The following TEK variants were observed in gnomAD, a reference collection of about 807,000 sequenced individuals.
The protein encoded by TEK is TEK receptor tyrosine kinase.
TEK carries 43 observed loss-of-function variants against 131.8 expected under a neutral mutation model. That is an observed-to-expected ratio of 0.33 (90% CI 0.26 to 0.42). The LOEUF (loss-of-function observed/expected upper bound fraction) is 0.42. Ranked by LOEUF, TEK falls within the 10% of genes least tolerant of loss-of-function variation. TEK has a pLI of 1.00. For missense variants in TEK, 1,162 were observed against 1,384.4 expected, an observed-to-expected ratio of 0.84 and a Z score of 2.55; for synonymous variants, 580 against 491.6, an observed-to-expected ratio of 1.18 and a Z score of -2.38.
intron 1 of TEK, among the ~76,000 whole-genome samples, chr9:27,155,631 G>C (rs1823303913): frequency 6.6e-6 from 1 of 152,194 alleles, no homozygotes; most frequent in Admixed American, 6.5e-5. Flanking sequence ...CTTGACATAA[G>C]TAGGTGCTCA....
intron 16 of TEK, among the ~76,000 whole-genome samples, chr9:27,211,204 A>AAT (rs371389814): frequency 0.11 from 2,264 of 21,474 alleles, 27 homozygotes; most frequent in Non-Finnish European, 0.24. Flanking sequence ...TATATATATG[A>AAT]ATATATGTGT....
At chr9:27,168,439 C>G in intron 2 of TEK, 56 bp from the exon 3 acceptor site, 5 of 1,387,692 alleles carry the variant, frequency 3.6e-6, no homozygotes, top group Non-Finnish European at 4.1e-6. Flanking sequence ...AGCTCAATTG[C>G]TCCTGGAGAA....
rs888420913 is a variant in TEK, at chr9:27,219,259, CTTTTTAATGT to C, written c.3103+443_3103+452del. Among the ~76,000 whole-genome samples the C allele has an allele frequency of 3.3e-5, 5 of 152,256 alleles. No individual in the cohort carries two copies. The South Asian group carries it at 8.3e-4, about 25-fold the overall frequency. On this transcript the variant is annotated intron_variant, in intron 20 of 22. Coordinates refer to ENST00000380036, the MANE Select transcript of TEK (RefSeq NM_000459.5). The stretch of plus-strand genomic sequence containing the variant: ...AAGGTAATAACATTTATTCTTCATG[CTTTTTAATGT>C]GGTACATATACACCGTGGAATACTA...
chr9:27,119,079 G>A (rs1446728981), intron 1 of TEK, among the ~76,000 whole-genome samples: 1 of 152,114 alleles, frequency 6.6e-6, no homozygotes, highest in African/African-American at 2.4e-5. Context: ...TCTTTTATTT[G>A]TTTAAGCTAT....
intron 5 of TEK, 137 bp from the exon 6 acceptor site, chr9:27,173,085 T>A (rs1271120215): frequency 1.1e-5 from 12 of 1,141,028 alleles, no homozygotes; most frequent in Non-Finnish European, 1.4e-5. Context: ...CATAAGGGTA[T>A]GTTCATCCTA....
chr9:27,219,628 G>GTTCTACAA (rs1315370594), intron 20 of TEK, among the ~76,000 whole-genome samples: 1 of 92,258 alleles, frequency 1.1e-5, no homozygotes, highest in Admixed American at 1.1e-4. Context: ...TTAAAAAACT[G>GTTCTACAA]TTCTACAATA....
At chr9:27,163,162 T>C (rs915362331) in intron 2 of TEK, among the ~76,000 whole-genome samples, 12 of 152,320 alleles carry the variant, frequency 7.9e-5, no homozygotes, top group African/African-American at 2.6e-4. Flanking sequence ...CCACTAATAA[T>C]AGATGAGGCT....
chr9:27,145,533 C>A (rs780925566), intron 1 of TEK, among the ~76,000 whole-genome samples: 25 of 152,174 alleles, frequency 1.6e-4, no homozygotes, highest in Non-Finnish European at 2.9e-4. Context: ...TAGTCCTTTA[C>A]ACAGAAATCA....
intron 1 of TEK, among the ~76,000 whole-genome samples, chr9:27,133,846 G>A (rs1440547880): frequency 6.6e-6 from 1 of 152,172 alleles, no homozygotes. Context: ...GTAAAACGAT[G>A]CCTCTGCTTA....
At chr9:27,138,168 G>A (rs550391602) in intron 1 of TEK, among the ~76,000 whole-genome samples, 4 of 152,342 alleles carry the variant, frequency 2.6e-5, no homozygotes, top group South Asian at 2.1e-4. Flanking sequence ...CCCAAAGAGT[G>A]AGCAGCAGCA....
intron 4 of TEK, among the ~76,000 whole-genome samples, 181 bp from the exon 5 acceptor site, chr9:27,172,435 C>G (rs1320630145): frequency 6.6e-6 from 1 of 152,170 alleles, no homozygotes; most frequent in Non-Finnish European, 1.5e-5. Context: ...TTGTTTCTGT[C>G]GCGATTTCCT....
chr9:27,138,686 C>T (rs1380708499), intron 1 of TEK, among the ~76,000 whole-genome samples: 1 of 152,170 alleles, frequency 6.6e-6, no homozygotes, highest in Non-Finnish European at 1.5e-5. Context: ...TTCATGGGCC[C>T]ACTTACACCC....
chr9:27,138,245 G>A (rs778262849), intron 1 of TEK, among the ~76,000 whole-genome samples: 8 of 152,222 alleles, frequency 5.3e-5, no homozygotes, highest in Non-Finnish European at 7.3e-5. Flanking sequence ...GCGGGTTGCC[G>A]CTGCTGGCTC....
Position 27,190,637 on chromosome 9 carries a change from A to T in TEK, c.1436A>T (p.Lys479Met). ...PYFGDGPIKS[K>M]KLLYKPVNHY... ...TTTGGGGATGGACCAATCAAATCCA[A>T]GAAGCTTCTATACAAACCCGTTAAT... Residue 479 changes from lysine (K) to methionine (M), a missense_variant, in exon 10 of 23, where the codon AAG becomes ATG. Around this residue, in one of 6 missense-constraint regions of TEK, gnomAD observed 477 missense variants for 471.0 expected, o/e 1.01. Transcript: ENST00000380036. 2.5e-6 allele frequency: 4 copies of T among 1,614,032 alleles called. No homozygotes were observed. Among genetic ancestry groups the T allele is most frequent in the Non-Finnish European group, 3.4e-6 (4 of 1,179,918 alleles).
chr9:27,181,223 A>G (rs183521451), intron 7 of TEK, among the ~76,000 whole-genome samples: 26 of 152,360 alleles, frequency 1.7e-4, no homozygotes, highest in Non-Finnish European at 2.8e-4. Context: ...AACATAGTCA[A>G]TTAACACAGA....
intron 1 of TEK, among the ~76,000 whole-genome samples, chr9:27,139,972 G>T (rs146948156): frequency 6.6e-6 from 1 of 152,076 alleles, no homozygotes; most frequent in Non-Finnish European, 1.5e-5. Context: ...CCCCAGTCCC[G>T]CTACCTTAGA....
In TEK at chr9:27,204,828, A is replaced by C. The variant is rs2131211249; in HGVS notation, c.2210-83A>C. 4 of 1,585,950 alleles carry C rather than the reference A, an allele frequency of 2.5e-6. No homozygotes were observed. The South Asian group carries it at 4.4e-5, about 18-fold the overall frequency. On this transcript the variant is annotated intron_variant, in intron 13 of 22. Coordinates refer to ENST00000380036, the MANE Select transcript of TEK (RefSeq NM_000459.5). ...AAGGCTGCTGTTAAGTTCCCATTAC[A>C]CTGTGTCTTCTCCCACATACGGTGT...
At chr9:27,205,674 T>G (rs538976284) in intron 14 of TEK, among the ~76,000 whole-genome samples, 2 of 152,164 alleles carry the variant, frequency 1.3e-5, no homozygotes, top group Non-Finnish European at 2.9e-5. Flanking sequence ...CAAAGGCCTA[T>G]AAAAATCACA....
At chr9:27,136,613 A>G (rs1008344046) in intron 1 of TEK, among the ~76,000 whole-genome samples, 59 of 152,214 alleles carry the variant, frequency 3.9e-4, no homozygotes, top group Admixed American at 8.5e-4. Context: ...GGGGACTGAC[A>G]TACATTTGTG....
Sources: allele counts gnomAD v4.1 joint callset (sites outside exome capture counted in the v4.1 genomes callset), GRCh38; gene constraint gnomAD v4.1.1; regional missense constraint gnomAD v4.1.1; transcripts MANE v1.5; gene names NCBI Gene and HGNC (gene_info 2026-07-23, HGNC 2026-07-21).